TNKS: variants seen among roughly 807,000 people sequenced by gnomAD.
TNKS encodes the protein poly [ADP-ribose] polymerase tankyrase-1.
TNKS carries 72 observed loss-of-function variants against 135.8 expected under a neutral mutation model. That is an observed-to-expected ratio of 0.53 (90% CI 0.44 to 0.64). TNKS has a LOEUF of 0.64. TNKS is among the 30% of genes least tolerant of loss of function. The pLI is 0.00. For synonymous variants in TNKS, 849 were observed against 649.3 expected, an observed-to-expected ratio of 1.31 and a Z score of -4.68; for missense variants, 1,769 against 1,674.0, an observed-to-expected ratio of 1.06 and a Z score of -0.99.
chr8:9,706,774 T>C (rs1174753417), intron 7 of TNKS, 37 bp from the exon 8 acceptor site: 1 of 1,556,162 alleles, frequency 6.4e-7, no homozygotes, highest in Non-Finnish European at 8.7e-7. Flanking sequence ...TCCAGCAAAA[T>C]GATTACTGAC....
intron 3 of TNKS, among the ~76,000 whole-genome samples, chr8:9,663,110 G>A (rs958615379): frequency 6.6e-6 from 1 of 152,214 alleles, no homozygotes; most frequent in African/African-American, 2.4e-5. Context: ...ATGTGAGCAG[G>A]CTTTGGAAGC....
chr8:9,610,808 T>C (rs1348865256), intron 2 of TNKS, among the ~76,000 whole-genome samples: 1 of 152,250 alleles, frequency 6.6e-6, no homozygotes, highest in African/African-American at 2.4e-5. Context: ...CTTGTGTCTT[T>C]TAAAATTAGT....
chr8:9,747,118 G>C (rs1191065693), intron 17 of TNKS, among the ~76,000 whole-genome samples: 1 of 151,744 alleles, frequency 6.6e-6, no homozygotes, highest in East Asian at 1.9e-4. Context: ...CCTGACCTCA[G>C]GTGATCCGCC....
intron 5 of TNKS, among the ~76,000 whole-genome samples, chr8:9,688,275 T>TA (rs975545418): frequency 5.9e-5 from 9 of 152,144 alleles, no homozygotes; most frequent in Non-Finnish European, 1.0e-4. Context: ...CTATATTGTG[T>TA]AAAAAAAGGC....
Position 9,723,154 on chromosome 8 carries a change from GTTTTT to G in TNKS, c.1921+2617_1921+2621del, listed in dbSNP as rs10688007. 4.2e-5 allele frequency among the ~76,000 whole-genome samples: 6 copies of G among 144,374 alleles called. No homozygotes were observed. In the East Asian group the frequency reaches 1.2e-3, roughly 29 times the overall value. 94.7% of individuals were successfully genotyped at this position (144,374 alleles called of 152,430 possible). ...ATAGGAAAATTTTGCCCTCCAAAAG[GTTTTT>G]TTTTTTTGTAATGGGAATTGTTTCT... On this transcript the variant is annotated intron_variant, in intron 12 of 26. Coordinates refer to ENST00000310430, the MANE Select transcript of TNKS (RefSeq NM_003747.3).
chr8:9,749,199 G>C lies in TNKS; in HGVS notation c.2832+987G>C, dbSNP rs146347569. On this transcript the variant is annotated intron_variant, in intron 18 of 26. Coordinates refer to ENST00000310430, the MANE Select transcript of TNKS (RefSeq NM_003747.3). Reference sequence around the variant, plus strand: ...CTTTGAAAGGAGAAGCAAAAATTTCGTGGCCATCTTTAATCAGCCACAGTC... The same window carrying C: ...CTTTGAAAGGAGAAGCAAAAATTTCCTGGCCATCTTTAATCAGCCACAGTC... Among the ~76,000 whole-genome samples, 30 of 152,270 alleles carry C rather than the reference G, an allele frequency of 2.0e-4. No individual in the cohort carries two copies. In the East Asian group the frequency reaches 5.4e-3, roughly 27 times the overall value.
At chr8:9,570,597 C>A (rs926900823) in intron 1 of TNKS, among the ~76,000 whole-genome samples, 3 of 152,204 alleles carry the variant, frequency 2.0e-5, no homozygotes, top group African/African-American at 7.2e-5. Context: ...ACCTGGCAAC[C>A]TTTAACCCAA....
intron 1 of TNKS, among the ~76,000 whole-genome samples, chr8:9,579,897 G>A (rs1338624804): frequency 3.3e-5 from 5 of 152,174 alleles, no homozygotes; most frequent in Non-Finnish European, 7.3e-5. Context: ...TGTGTTTCTA[G>A]CACTGTTGCA....
chr8:9,748,205 T>C lies in TNKS; in HGVS notation c.2825T>C (p.Leu942Pro). 1 of 1,549,758 alleles carries C rather than the reference T, an allele frequency of 6.5e-7. No individual in the cohort carries two copies. The highest frequency in any genetic ancestry group is 8.7e-7 in the Non-Finnish European group (1 of 1,147,030). The change falls in exon 18 of 27, where the codon CTG (leucine) becomes CCG (proline). Residue 942 changes from leucine to proline, a missense_variant. Physicochemically the swap from Leu to Pro is moderately conservative, Grantham distance 98 (BLOSUM62 -3). Coordinates refer to ENST00000310430, the MANE Select transcript of TNKS (RefSeq NM_003747.3). ...CAGGAAGGCCAGACGCCTCTGGATC[T>C]GGCAACAGTAAGTCCTCATTTCAGA... ...KNQEGQTPLD[L>P]ATADDIRALL...
intron 1 of TNKS, among the ~76,000 whole-genome samples, chr8:9,571,805 CTGTT>C (rs1487121061): frequency 6.6e-6 from 1 of 152,116 alleles, no homozygotes; most frequent in East Asian, 1.9e-4. Flanking sequence ...TTCTTTCTCT[CTGTT>C]TGAACCGTTC....
At chr8:9,638,653 G>A (rs1472366216) in intron 3 of TNKS, among the ~76,000 whole-genome samples, 2 of 152,138 alleles carry the variant, frequency 1.3e-5, no homozygotes, top group African/African-American at 4.8e-5. Context: ...AAATGATTAG[G>A]AAAAAGTTGA....
rs10672387 is a variant in TNKS at position 9,746,881 on chromosome 8, C to CTTTTTTTTTTTTTTTTTTTTTTTT, written c.2644-1124_2644-1123insTTTTTTTTTTTTTTTTTTTTTTTT. ...TCTGAGAGTTTCATACCTACTTAAACTTTTTTTTTTTTTTTTTTTGAGACG... is the reference window on the plus strand; with the variant it reads ...TCTGAGAGTTTCATACCTACTTAAACTTTTTTTTTTTTTTTTTTTTTTTTTTTTTTTTTTTTTTTTTTTGAGACG... On this transcript the variant is annotated intron_variant, in intron 17 of 26. Coordinates refer to ENST00000310430, the MANE Select transcript of TNKS (RefSeq NM_003747.3). 8.5e-5 allele frequency among the ~76,000 whole-genome samples: 10 copies of CTTTTTTTTTTTTTTTTTTTTTTTT among 117,188 alleles called. 2 individuals are homozygous for CTTTTTTTTTTTTTTTTTTTTTTTT. Among genetic ancestry groups the CTTTTTTTTTTTTTTTTTTTTTTTT allele is most frequent in the African/African-American group, 3.6e-4 (10 of 27,538 alleles). 76.9% of individuals were successfully genotyped at this position (117,188 alleles called of 152,430 possible).
intron 5 of TNKS, among the ~76,000 whole-genome samples, chr8:9,692,475 T>G (rs940511134): frequency 1.3e-5 from 2 of 152,194 alleles, no homozygotes; most frequent in African/African-American, 4.8e-5. Context: ...TTAAACAGCC[T>G]TAGGTTTTAG....
intron 2 of TNKS, among the ~76,000 whole-genome samples, chr8:9,601,580 G>C (rs1040555814): frequency 6.6e-6 from 1 of 152,154 alleles, no homozygotes; most frequent in African/African-American, 2.4e-5. Context: ...GGGAGACAGA[G>C]AAAGACAGCA....
At chr8:9,638,937 T>C (rs1396392530) in intron 3 of TNKS, among the ~76,000 whole-genome samples, 2 of 152,158 alleles carry the variant, frequency 1.3e-5, no homozygotes, top group Non-Finnish European at 2.9e-5. Flanking sequence ...CCAAGAACTT[T>C]CTATACCTTA....
In TNKS at chr8:9,758,509, A is replaced by G. The variant is rs531281757; in HGVS notation, c.3154-3007A>G. Among the ~76,000 whole-genome samples the G allele has an allele frequency of 3.3e-5, 5 of 152,356 alleles. No individual in the cohort carries two copies. In the South Asian group the frequency reaches 1.0e-3, roughly 32 times the overall value. On this transcript the variant is annotated intron_variant, in intron 20 of 26. Coordinates refer to ENST00000310430, the MANE Select transcript of TNKS (RefSeq NM_003747.3). The stretch of plus-strand genomic sequence containing the variant: ...TAGATCACTTATCTACTGCTGTGTA[A>G]CAAATTACCCAAAACTTAATGGCTT...
At chr8:9,774,895 G>A (rs747576438) in intron 26 of TNKS, among the ~76,000 whole-genome samples, 3 of 151,978 alleles carry the variant, frequency 2.0e-5, no homozygotes, top group Admixed American at 6.6e-5. Flanking sequence ...AACTTCACTC[G>A]GATAAAAGGA....
At chr8:9,581,239 C>G (rs960493586) in intron 2 of TNKS, among the ~76,000 whole-genome samples, 8 of 152,164 alleles carry the variant, frequency 5.3e-5, no homozygotes, top group Admixed American at 5.2e-4. Flanking sequence ...CTCCTTATAG[C>G]CATCTATTGC....
At chr8:9,577,740 C>A (rs987532575) in intron 1 of TNKS, among the ~76,000 whole-genome samples, 5 of 152,142 alleles carry the variant, frequency 3.3e-5, no homozygotes, top group African/African-American at 9.7e-5. Context: ...TTTTTGGTCC[C>A]TGGCTCCTCC....
Sources: allele counts gnomAD v4.1 joint callset (sites outside exome capture counted in the v4.1 genomes callset), GRCh38; gene constraint gnomAD v4.1.1; transcripts MANE v1.5; gene names NCBI Gene and HGNC (gene_info 2026-07-23, HGNC 2026-07-21).